HECW1: variants seen among roughly 807,000 people sequenced by gnomAD.
HECW1 encodes the protein E3 ubiquitin-protein ligase HECW1.
In HECW1, 61 loss-of-function variants were observed where a neutral mutation model predicts 182.3. The observed-to-expected ratio is 0.33, with a 90% CI of 0.27 to 0.41. HECW1 has a LOEUF of 0.41. HECW1 is among the 10% of genes least tolerant of loss of function. The probability of loss-of-function intolerance (pLI) is 1.00; values close to 1 mark genes in which losing one functional copy is unlikely to be tolerated. For missense variants in HECW1, 1,739 were observed against 2,108.9 expected (o/e 0.82, Z 3.44); for synonymous variants, 859 against 832.6 (o/e 1.03, Z -0.55).
At chr7:43,198,249 T>A (rs955639923) in intron 2 of HECW1, among the ~76,000 whole-genome samples, 1 of 145,836 alleles carries the variant, frequency 6.9e-6, no homozygotes, top group Non-Finnish European at 1.5e-5. Context: ...CCACAGTCTC[T>A]CACACACCCA....
chr7:43,447,570 G>A lies in HECW1; in HGVS notation c.2398+2000G>A, dbSNP rs2077097728. Among the ~76,000 whole-genome samples, 3 of 152,220 alleles carry A rather than the reference G, an allele frequency of 2.0e-5. No individual in the cohort carries two copies. The South Asian group carries it at 6.2e-4, about 31-fold the overall frequency. On this transcript the variant is annotated intron_variant, in intron 11 of 29. Transcript: ENST00000395891. Reference sequence around the variant, plus strand: ...TTCCCGAGGGGTCTCTTGATCTGCTGAAGGCCATGCACACGCTGGCATGTG... The same window carrying A: ...TTCCCGAGGGGTCTCTTGATCTGCTAAAGGCCATGCACACGCTGGCATGTG...
chr7:43,462,640 G>A (rs375912044), intron 13 of HECW1, among the ~76,000 whole-genome samples: 33 of 152,226 alleles, frequency 2.2e-4, no homozygotes, highest in Middle Eastern at 6.8e-3. Context: ...GGAACCTGTG[G>A]CCTAGAGAAT....
chr7:43,397,365 A>G (rs1345950914), intron 7 of HECW1, among the ~76,000 whole-genome samples: 1 of 152,252 alleles, frequency 6.6e-6, no homozygotes, highest in Non-Finnish European at 1.5e-5. Flanking sequence ...AATATTTAAG[A>G]GTAAGTTAAC....
intron 5 of HECW1, among the ~76,000 whole-genome samples, chr7:43,339,477 T>C (rs899566888): frequency 1.3e-5 from 2 of 152,230 alleles, no homozygotes; most frequent in Non-Finnish European, 2.9e-5. Flanking sequence ...TTGGTTTTAA[T>C]TTTCTGGCAA....
In HECW1 at chr7:43,466,444, C is replaced by T. The variant is rs1352889361; in HGVS notation, c.2792-3C>T. On this transcript the variant is annotated splice_polypyrimidine_tract_variant and splice_region_variant and intron_variant, in intron 14 of 29. Coordinates refer to ENST00000395891, the MANE Select transcript of HECW1 (RefSeq NM_015052.5). ...TCTGTTGCTTTGCTTCACTTTTTTTCAGATCTAAGGAGAGAAGGGTCACTT... is the reference window on the plus strand; with the variant it reads ...TCTGTTGCTTTGCTTCACTTTTTTTTAGATCTAAGGAGAGAAGGGTCACTT... 20 of 1,612,214 alleles carry T rather than the reference C, an allele frequency of 1.2e-5. No homozygotes were observed. The highest frequency in any genetic ancestry group is 1.7e-5 in the Non-Finnish European group (20 of 1,179,192).
intron 2 of HECW1, among the ~76,000 whole-genome samples, chr7:43,180,702 T>C (rs1374090724): frequency 6.6e-6 from 1 of 152,232 alleles, no homozygotes; most frequent in Admixed American, 6.5e-5. Flanking sequence ...GCCAGTTTTA[T>C]TTTATTTTTA....
At chr7:43,441,829 T>C (rs777693159) in intron 9 of HECW1, among the ~76,000 whole-genome samples, 4 of 152,248 alleles carry the variant, frequency 2.6e-5, no homozygotes, top group Admixed American at 6.5e-5. Flanking sequence ...CAATTTAAAA[T>C]GTAAAAAGCT....
intron 24 of HECW1, among the ~76,000 whole-genome samples, chr7:43,527,953 G>A (rs1301954299): frequency 6.6e-6 from 1 of 152,146 alleles, no homozygotes; most frequent in Non-Finnish European, 1.5e-5. Flanking sequence ...AATGACTGAG[G>A]CTCAGACAAC....
chr7:43,201,738 G>A (rs777434350), intron 2 of HECW1, among the ~76,000 whole-genome samples: 7 of 152,166 alleles, frequency 4.6e-5, no homozygotes, highest in South Asian at 4.1e-4. Context: ...AATGACTTAC[G>A]TCCAGAGAAT....
chr7:43,138,402 A>G (rs1433110296), intron 2 of HECW1, among the ~76,000 whole-genome samples: 1 of 152,182 alleles, frequency 6.6e-6, no homozygotes, highest in Non-Finnish European at 1.5e-5. Context: ...TAAAGCACAG[A>G]TTGCTCCAGC....
chr7:43,187,459 C>G (rs139332885), intron 2 of HECW1, among the ~76,000 whole-genome samples: 70 of 152,160 alleles, frequency 4.6e-4, no homozygotes, highest in African/African-American at 1.6e-3. Flanking sequence ...TTCGTGCTTT[C>G]AAATTTTAGG....
At chr7:43,493,441 CAGAA>C (rs2079008757) in intron 19 of HECW1, among the ~76,000 whole-genome samples, 2 of 151,970 alleles carry the variant, frequency 1.3e-5, no homozygotes. Context: ...GGGGGAAGGA[CAGAA>C]AGGAAACAAA....
At chr7:43,129,101 A>G (rs756058316) in intron 2 of HECW1, among the ~76,000 whole-genome samples, 20 of 152,238 alleles carry the variant, frequency 1.3e-4, no homozygotes, top group Non-Finnish European at 2.4e-4. Flanking sequence ...AGAATATTAC[A>G]TAAACATAGT....
At chr7:43,381,201 T>C (rs2074536899) in intron 6 of HECW1, among the ~76,000 whole-genome samples, 1 of 152,246 alleles carries the variant, frequency 6.6e-6, no homozygotes. Context: ...TGTTTACTTT[T>C]TTCATGCTAA....
intron 2 of HECW1, among the ~76,000 whole-genome samples, chr7:43,221,335 A>T (rs1478403877): frequency 6.6e-6 from 1 of 151,982 alleles, no homozygotes; most frequent in Admixed American, 6.6e-5. Context: ...GGGTCATTTT[A>T]TATTTTGATC....
At chr7:43,560,741 G>A (rs946283011) in intron 29 of HECW1, among the ~76,000 whole-genome samples, 4 of 152,212 alleles carry the variant, frequency 2.6e-5, no homozygotes, top group Non-Finnish European at 5.9e-5. Context: ...ATGAAAAGAA[G>A]AGTTTAATAT....
At chr7:43,220,995 AG>A in intron 2 of HECW1, among the ~76,000 whole-genome samples, 1 of 152,216 alleles carries the variant, frequency 6.6e-6, no homozygotes, top group Non-Finnish European at 1.5e-5. Flanking sequence ...ACTGCTGGAG[AG>A]GGACCATTTG....
intron 24 of HECW1, among the ~76,000 whole-genome samples, chr7:43,520,129 A>G (rs2080389732): frequency 2.0e-5 from 3 of 152,208 alleles, no homozygotes; most frequent in African/African-American, 4.8e-5. Flanking sequence ...TCAATGCACT[A>G]TTCTTATCAC....
At chr7:43,160,703 A>G (rs1254521806) in intron 2 of HECW1, among the ~76,000 whole-genome samples, 1 of 151,764 alleles carries the variant, frequency 6.6e-6, no homozygotes, top group African/African-American at 2.4e-5. Flanking sequence ...CATCTCATTA[A>G]TTTTCTTTTT....
Sources: gnomAD v4.1 joint callset for allele counts (sites outside exome capture counted in the v4.1 genomes callset) on GRCh38, gnomAD v4.1.1 for gene constraint, MANE v1.5 for transcripts, NCBI Gene and HGNC (gene_info 2026-07-23, HGNC 2026-07-21) for gene names.